The following STARD9 variants were observed in gnomAD, a reference collection of about 807,000 sequenced individuals.
The protein encoded by STARD9 is StAR related lipid transfer domain containing 9, also known as stAR-related lipid transfer protein 9.
STARD9 carries 346 observed loss-of-function variants against 399.8 expected under a neutral mutation model. The observed-to-expected ratio is 0.87, with a 90% CI of 0.79 to 0.95. The LOEUF (loss-of-function observed/expected upper bound fraction) is 0.95, where lower values mean the gene tolerates loss of function less well. Ranked by LOEUF, STARD9 falls within the 40% of genes least tolerant of loss-of-function variation. The pLI is 0.00. For missense variants in STARD9, 5,832 were observed against 5,667.5 expected (o/e 1.03, Z -0.93); for synonymous variants, 2,203 against 2,143.5 (o/e 1.03, Z -0.77).
Position 42,693,975 on chromosome 15 carries a change from C to T in STARD9, c.12397C>T (p.Leu4133=). 1 of 1,508,356 alleles carries T rather than the reference C, an allele frequency of 6.6e-7. No individual in the cohort carries two copies. 93.4% of individuals were successfully genotyped at this position (1,508,356 alleles called of 1,614,324 possible). A position where few individuals can be genotyped will look rare whatever the true frequency, so the allele number is the denominator to read the frequency against. Residue 4133 remains leucine, a synonymous_variant, in exon 23 of 33, where the codon CTG becomes TTG. Transcript: ENST00000290607. ...GGCCCCTGAGCACCAGCACCACAGT[C>T]TGAGGGACCTCCCGGTGCATAACAA... ...CMAPEHQHHS[L]RDLPVHNKFS... is the part of the protein sequence containing the mutation.
At chr15:42,626,802 G>A (rs1053069733) in intron 3 of STARD9, among the ~76,000 whole-genome samples, 15 of 150,898 alleles carry the variant, frequency 9.9e-5, no homozygotes, top group African/African-American at 1.5e-4. Context: ...GTGAGCCACC[G>A]CGCCTGGCCA....
At chr15:42,642,986 TA>T (rs1397053426) in intron 7 of STARD9, among the ~76,000 whole-genome samples, 2 of 151,876 alleles carry the variant, frequency 1.3e-5, no homozygotes, top group African/African-American at 2.4e-5. Context: ...TTTTTTCTTT[TA>T]GAGATGGAGT....
intron 7 of STARD9, among the ~76,000 whole-genome samples, chr15:42,645,286 C>T (rs1368188779): frequency 6.6e-6 from 1 of 152,148 alleles, no homozygotes; most frequent in African/African-American, 2.4e-5. Context: ...TATCAGACTT[C>T]AAAGTTGAAA....
chr15:42,636,463 C>T (rs1470378332), intron 4 of STARD9, among the ~76,000 whole-genome samples: 2 of 152,120 alleles, frequency 1.3e-5, no homozygotes, highest in Non-Finnish European at 2.9e-5. Flanking sequence ...CGCCTGTAAT[C>T]CCAGCTACTT....
chr15:42,600,653 G>A (rs1401078356), intron 3 of STARD9, among the ~76,000 whole-genome samples: 1 of 151,694 alleles, frequency 6.6e-6, no homozygotes, highest in Non-Finnish European at 1.5e-5. Context: ...AGCCTCCCGA[G>A]TAGCTGGGAT....
At chr15:42,655,039 T>C (rs1023658322) in intron 9 of STARD9, among the ~76,000 whole-genome samples, 1 of 152,156 alleles carries the variant, frequency 6.6e-6, no homozygotes, top group Non-Finnish European at 1.5e-5. Context: ...CCCAGCACTT[T>C]GGGAGGCCGA....
intron 20 of STARD9, among the ~76,000 whole-genome samples, chr15:42,677,438 A>C (rs2060333682): frequency 6.6e-6 from 1 of 152,232 alleles, no homozygotes; most frequent in Admixed American, 6.5e-5. Flanking sequence ...AGGTGACACA[A>C]GGTGGACTCA....
chr15:42,709,597 A>G (rs535471941), intron 26 of STARD9, among the ~76,000 whole-genome samples: 7 of 152,296 alleles, frequency 4.6e-5, no homozygotes, highest in Admixed American at 4.6e-4. Context: ...AGACAGGAGA[A>G]TAGTTTGAAC....
intron 26 of STARD9, among the ~76,000 whole-genome samples, chr15:42,712,095 A>T: frequency 0.016 from 2 of 126 alleles, 1 homozygote; most frequent in Admixed American, 0.25. Context: ...ATATATATAT[A>T]TAATATATAA....
rs776588582 is a variant in STARD9 at position 42,651,037 on chromosome 15, C to A, written c.581C>A (p.Thr194Asn). ...ATAGGTTTATCTCAACATGTAGTTA[C>A]CAATTATAAGCAAGTAATCCAACTC... ...YVQGLSQHVV[T>N]NYKQVIQLLE... The change falls in exon 8 of 33, where the codon ACC becomes AAC. Residue 194 changes from threonine to asparagine, a missense_variant. By Grantham distance (65) the Thr-to-Asn change is moderately conservative. Around this residue, in one of 2 missense-constraint regions of STARD9, gnomAD observed 5,828 missense variants for 5,651.1 expected, o/e 1.03. Transcript: ENST00000290607. 1.3e-6 allele frequency: 2 copies of A among 1,533,712 alleles called. No homozygotes were observed. The highest frequency in any genetic ancestry group is 2.4e-5 in the South Asian group (2 of 83,714).
chr15:42,579,482 A>T (rs2058124240), intron 1 of STARD9, among the ~76,000 whole-genome samples: 1 of 152,200 alleles, frequency 6.6e-6, no homozygotes, highest in Admixed American at 6.5e-5. Flanking sequence ...CTTCTCAGAT[A>T]AGAGGAGTGA....
At chr15:42,695,928 G>A (rs2060837430) in intron 26 of STARD9, 48 bp downstream of exon 26, 1 of 1,515,508 alleles carries the variant, frequency 6.6e-7, no homozygotes, top group African/African-American at 1.4e-5. Flanking sequence ...GACTGCCAAG[G>A]CAAGAGTTTG....
At chr15:42,637,669 T>G (rs1397365021) in intron 4 of STARD9, among the ~76,000 whole-genome samples, 1 of 152,154 alleles carries the variant, frequency 6.6e-6, no homozygotes, top group Non-Finnish European at 1.5e-5. Flanking sequence ...CTTCTCCTCT[T>G]TTCCTTCTTA....
chr15:42,656,715 G>A (rs373573021), intron 9 of STARD9, among the ~76,000 whole-genome samples: 8 of 152,270 alleles, frequency 5.3e-5, no homozygotes, highest in African/African-American at 1.9e-4. Context: ...TAAGTTAAGT[G>A]TCTCAGGAAT....
chr15:42,613,085 C>G (rs2058887394), intron 3 of STARD9, among the ~76,000 whole-genome samples: 1 of 150,862 alleles, frequency 6.6e-6, no homozygotes, highest in African/African-American at 2.4e-5. Flanking sequence ...CCCTCAGGAA[C>G]TAGGGTCTTA....
At chr15:42,613,991 A>T (rs1482292136) in intron 3 of STARD9, among the ~76,000 whole-genome samples, 1 of 151,754 alleles carries the variant, frequency 6.6e-6, no homozygotes, top group African/African-American at 2.4e-5. Context: ...GAATGAGGAC[A>T]TCTGAATAAA....
chr15:42,719,373 C>T, intron 32 of STARD9, 100 bp from the exon 33 acceptor site: 1 of 730,948 alleles, frequency 1.4e-6, no homozygotes, highest in Non-Finnish European at 2.3e-6. Flanking sequence ...TGAGGTGCTT[C>T]TCCCATCACC....
Position 42,685,112 on chromosome 15 carries a change from A to T in STARD9, c.3534A>T (p.Arg1178Ser), listed in dbSNP as rs997457732. 6.5e-7 allele frequency: 1 copy of T among 1,537,246 alleles called. No homozygotes were observed. The highest frequency in any genetic ancestry group is 1.2e-5 in the South Asian group (1 of 84,068). Residue 1178 changes from arginine to serine, a missense_variant, in exon 23 of 33, where the codon AGA becomes AGT. Physicochemically the swap from Arg to Ser is moderately radical, Grantham distance 110. Coordinates refer to ENST00000290607, the MANE Select transcript of STARD9 (RefSeq NM_020759.3). Reference protein sequence around the residue: ...PTNNRGQPRTRTRASVRGFTA... With the variant: ...PTNNRGQPRTSTRASVRGFTA... ...ACAACCGTGGCCAACCCAGGACCAG[A>T]ACTAGAGCTTCTGTGAGGGGCTTCA...
intron 26 of STARD9, among the ~76,000 whole-genome samples, chr15:42,716,220 TGGGGTG>T (rs1269457464): frequency 6.6e-6 from 1 of 152,132 alleles, no homozygotes; most frequent in Non-Finnish European, 1.5e-5. Context: ...CTGCTGCACC[TGGGGTG>T]GGGGTCAAGC....
Sources: gnomAD v4.1 joint callset for allele counts (sites outside exome capture counted in the v4.1 genomes callset) on GRCh38, gnomAD v4.1.1 for gene constraint, gnomAD v4.1.1 regional missense constraint, MANE v1.5 for transcripts, NCBI Gene and HGNC (gene_info 2026-07-23, HGNC 2026-07-21) for gene names.